The following EFCAB6 variants were observed in gnomAD, a reference collection of about 807,000 sequenced individuals.
EFCAB6 encodes the protein EF-hand calcium-binding domain-containing protein 6.
A neutral mutation model predicts 169.8 loss-of-function variants in EFCAB6; 156 were observed. The observed-to-expected ratio is 0.92, with a 90% CI of 0.81 to 1.05. The LOEUF (loss-of-function observed/expected upper bound fraction) is 1.05. EFCAB6 is among the 50% of genes least tolerant of loss of function. The probability of loss-of-function intolerance (pLI) is 0.00; values close to 1 mark genes in which losing one functional copy is unlikely to be tolerated. For synonymous variants in EFCAB6, 698 were observed against 676.4 expected (o/e 1.03, Z -0.50); for missense variants, 1,800 against 1,829.1 (o/e 0.98, Z 0.29).
At chr22:43,658,433 T>A (rs1055100031) in intron 17 of EFCAB6, among the ~76,000 whole-genome samples, 17 of 152,116 alleles carry the variant, frequency 1.1e-4, no homozygotes, top group Admixed American at 5.2e-4. Flanking sequence ...GTGAGTTATG[T>A]GGCCCTGGAG....
intron 24 of EFCAB6, among the ~76,000 whole-genome samples, chr22:43,589,280 C>A (rs2051292623): frequency 1.2e-5 from 1 of 80,934 alleles, no homozygotes; most frequent in Non-Finnish European, 2.4e-5. Flanking sequence ...GACTTCATGT[C>A]AAAAAAAAAA....
At chr22:43,589,123 A>G (rs371685670) in intron 24 of EFCAB6, among the ~76,000 whole-genome samples, 2 of 151,932 alleles carry the variant, frequency 1.3e-5, no homozygotes, top group Non-Finnish European at 2.9e-5. Flanking sequence ...GTCACTTAGA[A>G]GTAGGGACAT....
At chr22:43,598,256 G>A (rs1026251590) in intron 23 of EFCAB6, among the ~76,000 whole-genome samples, 4 of 138,196 alleles carry the variant, frequency 2.9e-5, no homozygotes, top group South Asian at 2.4e-4. Flanking sequence ...GCAGTGAGCC[G>A]TGATGGAGCC....
intron 17 of EFCAB6, among the ~76,000 whole-genome samples, chr22:43,661,579 C>T (rs942039871): frequency 4.6e-5 from 7 of 152,180 alleles, no homozygotes; most frequent in African/African-American, 1.7e-4. Context: ...CAGAACAGGT[C>T]TAGACAATTC....
At chr22:43,770,008 C>T (rs2061421435) in intron 4 of EFCAB6, among the ~76,000 whole-genome samples, 2 of 152,172 alleles carry the variant, frequency 1.3e-5, no homozygotes. Flanking sequence ...GCATGTGCCA[C>T]CATGTCCATC....
At chr22:43,595,181 G>A (rs1283086939) in intron 23 of EFCAB6, among the ~76,000 whole-genome samples, 1 of 151,406 alleles carries the variant, frequency 6.6e-6, no homozygotes, top group Non-Finnish European at 1.5e-5. Context: ...AAAAAAGAAT[G>A]ACTTTGCATA....
rs1024093045 is a variant in EFCAB6 at position 43,628,190 on chromosome 22, C to T, written c.2233-1511G>A. Among the ~76,000 whole-genome samples the T allele has an allele frequency of 1.3e-5, 2 of 152,136 alleles. No homozygotes were observed. Among genetic ancestry groups the T allele is most frequent in the Non-Finnish European group, 2.9e-5 (2 of 68,024 alleles). ...ACTCCTGACCTCCACCCCCTGTCCC[C>T]ACCCTACTCCTCCTAAGTCTTCCCA... On this transcript the variant is annotated intron_variant, in intron 19 of 31. Coordinates refer to ENST00000262726, the MANE Select transcript of EFCAB6 (RefSeq NM_022785.4). This position sits in a 1 kb window ranked among gnomAD's most constrained non-coding sequence, Gnocchi z 4.8.
chr22:43,548,033 T>A (rs1404493853), intron 27 of EFCAB6, among the ~76,000 whole-genome samples: 2 of 152,030 alleles, frequency 1.3e-5, no homozygotes, highest in East Asian at 1.9e-4. Context: ...GAGGCGGAAC[T>A]TTCAGTGAGC....
chr22:43,740,015 A>AC (rs2060310712), intron 6 of EFCAB6, among the ~76,000 whole-genome samples: 1 of 89,646 alleles, frequency 1.1e-5, no homozygotes, highest in East Asian at 3.0e-4. Context: ...CCTGCCCCCC[A>AC]CCTGCTGCTT....
chr22:43,659,106 C>T (rs1288618414), intron 17 of EFCAB6, among the ~76,000 whole-genome samples: 1 of 152,238 alleles, frequency 6.6e-6, no homozygotes, highest in Non-Finnish European at 1.5e-5. Flanking sequence ...TAATCCAGCA[C>T]ATGCGGGAGA....
At chr22:43,544,137 C>T (rs778975340) in intron 27 of EFCAB6, among the ~76,000 whole-genome samples, 9 of 152,152 alleles carry the variant, frequency 5.9e-5, no homozygotes, top group Admixed American at 3.3e-4. Context: ...CTGCCAGACA[C>T]GCCCACAACT....
intron 17 of EFCAB6, among the ~76,000 whole-genome samples, chr22:43,666,779 G>C (rs2057281056): frequency 6.8e-6 from 1 of 147,878 alleles, no homozygotes; most frequent in Admixed American, 6.8e-5. Flanking sequence ...CAGGGGCCGA[G>C]TGGCTTTGTA....
Position 43,576,474 on chromosome 22 carries a change from CA to C in EFCAB6, c.3242del (p.Leu1081TrpfsTer9), listed in dbSNP as rs774796045. On this transcript the variant is annotated frameshift_variant, in exon 26 of 32. Transcript: ENST00000262726. LOFTEE classifies it high-confidence loss of function. ...TTACAAATCCTGTATCCTCTTTATC[CA>C]ATGCAGAAAATGCCTAAAAAGAAAG... Reference protein sequence around the residue: ...QLALSTAFSALDKEDTGFVKA... With the variant: ...QLALSTAFSAXDKEDTGFVKA... 1.9e-5 allele frequency: 30 copies of C among 1,541,018 alleles called. No individual in the cohort carries two copies. The highest frequency in any genetic ancestry group is 2.5e-5 in the Non-Finnish European group (29 of 1,152,894).
chr22:43,575,398 G>T (rs1363176371), intron 26 of EFCAB6, among the ~76,000 whole-genome samples: 1 of 148,908 alleles, frequency 6.7e-6, no homozygotes, highest in Non-Finnish European at 1.5e-5. Flanking sequence ...AGTGGAGATG[G>T]GGTTTCATCA....
intron 8 of EFCAB6, among the ~76,000 whole-genome samples, chr22:43,717,238 T>C (rs2059361885): frequency 6.6e-6 from 1 of 151,808 alleles, no homozygotes; most frequent in African/African-American, 2.4e-5. Flanking sequence ...ACCATAAAAA[T>C]AGAAGAAAAT....
At chr22:43,570,482 G>T (rs558660033) in intron 26 of EFCAB6, among the ~76,000 whole-genome samples, 1 of 152,264 alleles carries the variant, frequency 6.6e-6, no homozygotes, top group Admixed American at 6.5e-5. Flanking sequence ...TTTGCACATG[G>T]CACTTTGAAT....
In EFCAB6 at chr22:43,666,705, T is replaced by TG. The variant is rs576498460; in HGVS notation, c.1983+398_1983+399insC. 2.9e-3 allele frequency among the ~76,000 whole-genome samples: 427 copies of TG among 147,794 alleles called. 2 individuals carry two copies. Among genetic ancestry groups the TG allele is most frequent in the Non-Finnish European group, 4.7e-3 (316 of 67,038 alleles). On this transcript the variant is annotated intron_variant, in intron 17 of 31. Coordinates refer to ENST00000262726, the MANE Select transcript of EFCAB6 (RefSeq NM_022785.4). Reference sequence around the variant, plus strand: ...ACTGCCAGATTGTTTTTTTTTTTTTTTTTTTTTTTTCATTCTAGAGGAACA... The same window carrying TG: ...ACTGCCAGATTGTTTTTTTTTTTTTTGTTTTTTTTTTCATTCTAGAGGAACA...
intron 3 of EFCAB6, 102 bp downstream of exon 3, chr22:43,782,078 G>A: frequency 8.4e-7 from 1 of 1,188,968 alleles, no homozygotes; most frequent in Admixed American, 2.5e-5. Flanking sequence ...GTTATTGTGA[G>A]GATTAAATGT....
At chr22:43,770,613 G>A (rs761161045) in intron 4 of EFCAB6, among the ~76,000 whole-genome samples, 41 of 152,188 alleles carry the variant, frequency 2.7e-4, no homozygotes, top group African/African-American at 9.9e-4. Flanking sequence ...AAAAATTCAA[G>A]GGATGGGGCT....
Sources: gnomAD v4.1 joint callset for allele counts (sites outside exome capture counted in the v4.1 genomes callset) on GRCh38, gnomAD v4.1.1 for gene constraint, Gnocchi (gnomAD v3.1) non-coding constraint, MANE v1.5 for transcripts, NCBI Gene and HGNC (gene_info 2026-07-23, HGNC 2026-07-21) for gene names.